Variants in NPTN observed in about 807,000 individuals in gnomAD.
The protein encoded by NPTN is SDR-1.
NPTN carries 5 observed loss-of-function variants against 42.7 expected under a neutral mutation model. The observed-to-expected ratio is 0.12, with a 90% CI of 0.06 to 0.25. NPTN has a LOEUF of 0.25. Among genes scored for constraint, NPTN ranks in the 10% least tolerant of loss-of-function variants. The probability of loss-of-function intolerance (pLI) is 1.00; values close to 1 mark genes in which losing one functional copy is unlikely to be tolerated. For synonymous variants in NPTN, 180 were observed against 201.9 expected (o/e 0.89, Z 0.92); for missense variants, 307 against 525.4 (o/e 0.58, Z 4.06).
intron 1 of NPTN, among the ~76,000 whole-genome samples, chr15:73,607,152 GTGGTCTGGTCCCTACATCTA>G (rs1897329720): frequency 1.3e-5 from 2 of 152,194 alleles, no homozygotes; most frequent in East Asian, 3.8e-4. Flanking sequence ...TCTCACTGCA[GTGGTCTGGTCCCTACATCTA>G]TCACCATGTT....
In NPTN at chr15:73,633,207, A is replaced by C; in HGVS notation, c.9T>G (p.Gly3=). MS[G]SSLPSALALS... is the part of the protein sequence containing the mutation. ...GGGCCAGGGCGCTGGGCAGCGACGA[A>C]CCCGACATCCTCCCTAGCAGAAGAC... The change falls in exon 1 of 9, where the codon GGT becomes GGG. Residue 3 remains glycine, a synonymous_variant. Transcript: ENST00000345330. 6.8e-7 allele frequency: 1 copy of C among 1,467,820 alleles called. No individual in the cohort carries two copies. The highest frequency in any genetic ancestry group is 1.2e-5 in the South Asian group (1 of 80,738). The allele number at this position is 1,467,820 out of a possible 1,614,324, so 90.9% of individuals were successfully genotyped here.
intron 1 of NPTN, among the ~76,000 whole-genome samples, chr15:73,619,636 T>C (rs1898034808): frequency 1.3e-5 from 2 of 152,256 alleles, no homozygotes; most frequent in South Asian, 2.1e-4. Context: ...GGAATAAGCA[T>C]ATTTAGCGTT....
At chr15:73,561,387 T>C (rs1036025545) in intron 8 of NPTN, among the ~76,000 whole-genome samples, 1 of 152,188 alleles carries the variant, frequency 6.6e-6, no homozygotes, top group African/African-American at 2.4e-5. Flanking sequence ...TGTGACACAA[T>C]GCACCTGATG....
At chr15:73,605,710 A>G (rs1897272576) in intron 1 of NPTN, among the ~76,000 whole-genome samples, 1 of 150,530 alleles carries the variant, frequency 6.6e-6, no homozygotes, top group South Asian at 2.1e-4. Context: ...CTGGGCAACA[A>G]GAGCGAAACT....
intron 3 of NPTN, 176 bp downstream of exon 3, chr15:73,591,790 C>T: frequency 1.1e-5 from 6 of 534,660 alleles, no homozygotes; most frequent in Non-Finnish European, 1.6e-5. Flanking sequence ...CATTAGAATC[C>T]TTTGGGAATC....
intron 4 of NPTN, among the ~76,000 whole-genome samples, 186 bp from the exon 5 acceptor site, chr15:73,573,981 C>A (rs1156907819): frequency 1.3e-5 from 2 of 152,194 alleles, no homozygotes; most frequent in African/African-American, 2.4e-5. Flanking sequence ...TCCTCTACCC[C>A]CCACCCGCTA....
At chr15:73,580,432 A>AT (rs1566965618) in intron 4 of NPTN, among the ~76,000 whole-genome samples, 1 of 78,438 alleles carries the variant, frequency 1.3e-5, no homozygotes, top group African/African-American at 5.4e-5. Context: ...ATATATATAT[A>AT]ATATATATAA....
At position 73,570,705 on chromosome 15, in the gene NPTN, GT is replaced by G; in HGVS notation, c.841-283del. The stretch of plus-strand genomic sequence containing the variant: ...AGACTCAGAAAAGTCCAACAACCTA[GT>G]AAATGCTGCCTCCAACACCAGGTAA... On this transcript the variant is annotated intron_variant, in intron 5 of 8. Coordinates refer to ENST00000345330, the MANE Select transcript of NPTN (RefSeq NM_012428.4). This position sits in a 1 kb window ranked among gnomAD's most constrained non-coding sequence, Gnocchi z 4.0. Among the ~76,000 whole-genome samples, 1 of 152,278 alleles carries G rather than the reference GT, an allele frequency of 6.6e-6. No homozygotes were observed. Among genetic ancestry groups the G allele is most frequent in the African/African-American group, 2.4e-5 (1 of 41,564 alleles).
intron 1 of NPTN, among the ~76,000 whole-genome samples, chr15:73,632,142 T>A (rs1427975140): frequency 6.6e-6 from 1 of 152,116 alleles, no homozygotes; most frequent in Admixed American, 6.5e-5. Context: ...CCGACCAATA[T>A]CATACAGCAT....
At chr15:73,618,902 T>C (rs1566989231) in intron 1 of NPTN, among the ~76,000 whole-genome samples, 1 of 151,640 alleles carries the variant, frequency 6.6e-6, no homozygotes, top group Non-Finnish European at 1.5e-5. Context: ...AAAAAGTTTT[T>C]TAAAAAATTA....
intron 3 of NPTN, 89 bp from the exon 4 acceptor site, chr15:73,587,707 C>A (rs1896385239): frequency 1.5e-5 from 14 of 954,076 alleles, no homozygotes; most frequent in Non-Finnish European, 2.3e-5. Context: ...AATCAGGGAT[C>A]CTGCTCTCCG....
At chr15:73,623,407 A>T (rs1335727660) in intron 1 of NPTN, among the ~76,000 whole-genome samples, 1 of 152,164 alleles carries the variant, frequency 6.6e-6, no homozygotes, top group Non-Finnish European at 1.5e-5. Context: ...TCTGGCTGGC[A>T]GGGGGGCTGT....
chr15:73,567,191 G>A (rs1895075698), intron 6 of NPTN: 10 of 984,534 alleles, frequency 1.0e-5, no homozygotes, highest in African/African-American at 1.7e-5. Context: ...GAGTTACCAA[G>A]AACTCACAGA....
intron 4 of NPTN, among the ~76,000 whole-genome samples, chr15:73,582,968 A>G (rs1489592932): frequency 1.3e-5 from 2 of 152,212 alleles, no homozygotes; most frequent in Non-Finnish European, 2.9e-5. Context: ...GCGTGCAGGC[A>G]GCCTATTGTG....
intron 2 of NPTN, among the ~76,000 whole-genome samples, chr15:73,593,526 G>A (rs994327275): frequency 6.6e-6 from 1 of 152,048 alleles, no homozygotes; most frequent in African/African-American, 2.4e-5. Flanking sequence ...GTATTGTGCT[G>A]AGCCTTAACG....
intron 1 of NPTN, among the ~76,000 whole-genome samples, chr15:73,618,050 T>C (rs1897947633): frequency 6.6e-6 from 1 of 152,232 alleles, no homozygotes; most frequent in South Asian, 2.1e-4. Flanking sequence ...TTCACAACGT[T>C]TCACGTATGC....
chr15:73,569,922 G>C lies in NPTN; in HGVS notation c.1114+228C>G. 8.2e-6 allele frequency: 4 copies of C among 486,682 alleles called. No homozygotes were observed. Among genetic ancestry groups the C allele is most frequent in the Non-Finnish European group, 1.1e-5 (4 of 374,586 alleles). 30.1% of individuals were successfully genotyped at this position (486,682 alleles called of 1,614,324 possible). On this transcript the variant is annotated intron_variant, in intron 6 of 8. Coordinates refer to ENST00000345330, the MANE Select transcript of NPTN (RefSeq NM_012428.4). This position sits in a 1 kb window ranked among gnomAD's most constrained non-coding sequence, Gnocchi z 4.1. ...GAAAACACCCAAACAGAGGGAGAGA[G>C]CTAAGGACAGCTCTAGATGGCTAAT... is the stretch of plus-strand genomic sequence containing the variant.
chr15:73,616,240 T>C (rs531800507), intron 1 of NPTN, among the ~76,000 whole-genome samples: 137 of 152,268 alleles, frequency 9.0e-4, no homozygotes, highest in Non-Finnish European at 1.5e-3. Flanking sequence ...AACACTCTTA[T>C]GCAAAAACTT....
At chr15:73,603,440 G>A (rs1195522665) in intron 1 of NPTN, among the ~76,000 whole-genome samples, 3 of 152,230 alleles carry the variant, frequency 2.0e-5, no homozygotes, top group Admixed American at 6.5e-5. Context: ...GAACCAGAAC[G>A]GAAATGTTAA....
Sources: allele counts gnomAD v4.1 joint callset (sites outside exome capture counted in the v4.1 genomes callset), GRCh38; gene constraint gnomAD v4.1.1; non-coding constraint Gnocchi (gnomAD v3.1); transcripts MANE v1.5; gene names NCBI Gene and HGNC (gene_info 2026-07-23, HGNC 2026-07-21).